Variants in PIGN observed in about 807,000 individuals in gnomAD.
The protein encoded by PIGN is GPI ethanolamine phosphate transferase 1.
Under a neutral mutation model 125.4 loss-of-function variants are expected in PIGN, and 117 were observed. The observed-to-expected ratio is 0.93, with a 90% CI of 0.80 to 1.09. The LOEUF is 1.09. Among genes scored for constraint, PIGN ranks in the 50% least tolerant of loss-of-function variants. The pLI, the probability that PIGN is intolerant of heterozygous loss-of-function variation, is 0.00. For missense variants in PIGN, 1,075 were observed against 1,094.9 expected (o/e 0.98, Z 0.26); for synonymous variants, 392 against 377.8 (o/e 1.04, Z -0.44).
In PIGN at chr18:62,041,706, T is replaced by TGTGTGTGTGTGTGTGTGTGTGTG. The variant is rs71160808; in HGVS notation, c.*4149_*4150insCACACACACACACACACACACAC. 1.5e-5 allele frequency: 2 copies of TGTGTGTGTGTGTGTGTGTGTGTG among 134,768 alleles called. No individual in the cohort carries two copies. The highest frequency in any genetic ancestry group is 5.7e-5 in the African/African-American group (2 of 35,004). The allele number at this position is 134,768 out of a possible 1,614,324, so 8.3% of individuals were successfully genotyped here. On this transcript the variant is annotated 3_prime_UTR_variant, in exon 31 of 31. Transcript: ENST00000640252. ...GTGTGTGTGTGTGTGTGTGTGTGTG[T>TGTGTGTGTGTGTGTGTGTGTGTG]TTAGTAGAGATGGGGTTTTGCCATC... is the stretch of plus-strand genomic sequence containing the variant.
intron 1 of PIGN, among the ~76,000 whole-genome samples, chr18:62,183,368 G>T (rs549675740): frequency 3.9e-5 from 6 of 151,958 alleles, no homozygotes; most frequent in Admixed American, 3.3e-4. Flanking sequence ...TTCTAAACCT[G>T]TCTCATAGCA....
chr18:62,154,719 A>G lies in PIGN; in HGVS notation c.443-68T>C, dbSNP rs75024435. The G allele has an allele frequency of 0.012, 9,363 of 752,186 alleles. 617 individuals are homozygous for G. The African/African-American group carries it at 0.14, about 12-fold the overall frequency. 46.6% of individuals were successfully genotyped at this position (752,186 alleles called of 1,614,324 possible). On this transcript the variant is annotated intron_variant, in intron 6 of 30. Coordinates refer to ENST00000640252, the MANE Select transcript of PIGN (RefSeq NM_176787.5). Reference sequence around the variant, plus strand: ...TTTAAACTATCATAAAATATGAGCTAGTCATTCACAGATTTTTGTGAGTAA... The same window carrying G: ...TTTAAACTATCATAAAATATGAGCTGGTCATTCACAGATTTTTGTGAGTAA...
chr18:62,068,779 T>C (rs2032672152), intron 30 of PIGN, among the ~76,000 whole-genome samples: 1 of 152,198 alleles, frequency 6.6e-6, no homozygotes, highest in Non-Finnish European at 1.5e-5. Flanking sequence ...TCCACACTTC[T>C]TGTTCTCTGC....
rs746450459 is a variant in PIGN, at chr18:62,157,701, C to T, written c.329G>A (p.Ser110Asn). Residue 110 changes from serine to asparagine, a missense_variant, in exon 5 of 31, where the codon AGT becomes AAT. Physicochemically the swap from Ser to Asn is conservative, Grantham distance 46 (BLOSUM62 1). Transcript: ENST00000640252. The part of the protein sequence containing the change: ...ALIAGFYEDV[S>N]AVAKGWKENP... ...ATAGACAATACCTTTGGCAACTGCA[C>T]TGACATCTTCATAAAACCCAGCTAT... 1.3e-5 allele frequency: 21 copies of T among 1,611,074 alleles called. No individual in the cohort carries two copies. The South Asian group carries it at 2.3e-4, about 18-fold the overall frequency.
chr18:62,129,300 T>G (rs2035647389), intron 14 of PIGN, among the ~76,000 whole-genome samples: 1 of 152,170 alleles, frequency 6.6e-6, no homozygotes, highest in Non-Finnish European at 1.5e-5. Flanking sequence ...TGCCATACTT[T>G]CCCACCTTAA....
At chr18:62,172,005 A>T (rs938258765) in intron 1 of PIGN, among the ~76,000 whole-genome samples, 1 of 152,136 alleles carries the variant, frequency 6.6e-6, no homozygotes, top group Admixed American at 6.5e-5. Flanking sequence ...TTTTTGGAAG[A>T]GTTTGTGTAA....
At chr18:62,157,449 T>A (rs981441549) in intron 5 of PIGN, among the ~76,000 whole-genome samples, 1 of 152,188 alleles carries the variant, frequency 6.6e-6, no homozygotes, top group Admixed American at 6.5e-5. Context: ...AAGAGTAATA[T>A]CTAGGAAAAT....
intron 16 of PIGN, among the ~76,000 whole-genome samples, chr18:62,112,315 T>C (rs2034910766): frequency 2.0e-5 from 3 of 152,182 alleles, no homozygotes; most frequent in Admixed American, 2.0e-4. Flanking sequence ...AAGTTACCAC[T>C]GGAAATATCT....
At chr18:62,079,168 T>C (rs1283451528) in intron 28 of PIGN, among the ~76,000 whole-genome samples, 2 of 152,356 alleles carry the variant, frequency 1.3e-5, no homozygotes, top group Non-Finnish European at 2.9e-5. Context: ...GAGTGAACCA[T>C]AAAACTATGT....
rs71160811 is a variant in PIGN at position 62,062,882 on chromosome 18, C to CTTTTTTTTTTTTTTTT, written c.2672+9775_2672+9790dup. Among the ~76,000 whole-genome samples, 25 of 21,058 alleles carry CTTTTTTTTTTTTTTTT rather than the reference C, an allele frequency of 1.2e-3. 1 individual carries two copies. Among genetic ancestry groups the CTTTTTTTTTTTTTTTT allele is most frequent in the African/African-American group, 1.5e-3 (6 of 4,108 alleles). The allele number at this position is 21,058 out of a possible 152,430, so 13.8% of individuals were successfully genotyped here. On this transcript the variant is annotated intron_variant, in intron 30 of 30. Coordinates refer to ENST00000640252, the MANE Select transcript of PIGN (RefSeq NM_176787.5). ...ATTTGTTTTATGCTTTTGTATTCTG[C>CTTTTTTTTTTTTTTTT]TTTTTTTTTTTTTTTTTTTTTTTTT...
At chr18:62,056,003 T>A (rs2031694800) in intron 30 of PIGN, among the ~76,000 whole-genome samples, 1 of 147,750 alleles carries the variant, frequency 6.8e-6, no homozygotes, top group Non-Finnish European at 1.5e-5. Context: ...CCCGGCAAAT[T>A]TAATCTGAAC....
rs761239739 is a variant in PIGN, at chr18:62,113,205, T to C, written c.1363A>G (p.Ile455Val). 4.3e-6 allele frequency: 7 copies of C among 1,612,808 alleles called. No individual in the cohort carries two copies. In the South Asian group the frequency reaches 6.6e-5, roughly 15 times the overall value. Residue 455 changes from isoleucine to valine, a missense_variant, in exon 16 of 31, where the codon ATA (isoleucine) becomes GTA (valine). By Grantham distance (29) the Ile-to-Val change is conservative. This residue lies in a region of PIGN where 915 missense variants were observed against 908.7 expected (regional missense o/e 1.01). Transcript: ENST00000640252. ...VNVVIGFVGW[I>V]SYASLLIIKS... is the part of the protein sequence containing the mutation. ...ATGATCAACAAAGAGGCATAAGATA[T>C]CCATCCCACAAAACCAATAACAACA...
intron 23 of PIGN, among the ~76,000 whole-genome samples, chr18:62,030,780 G>A (rs1373745272): frequency 1.3e-5 from 2 of 150,828 alleles, no homozygotes; most frequent in Non-Finnish European, 2.9e-5. Flanking sequence ...ACCACTGTGT[G>A]GCACTGCATG....
chr18:62,083,136 T>A (rs1429009402), intron 27 of PIGN, among the ~76,000 whole-genome samples: 2 of 152,038 alleles, frequency 1.3e-5, no homozygotes, highest in Non-Finnish European at 2.9e-5. Context: ...GATTCACAGA[T>A]CCTTAAACCC....
At chr18:62,149,410 A>G (rs2036451484) in intron 7 of PIGN, among the ~76,000 whole-genome samples, 1 of 152,218 alleles carries the variant, frequency 6.6e-6, no homozygotes, top group African/African-American at 2.4e-5. Flanking sequence ...TTAAAAGTTA[A>G]ACACATAATT....
chr18:62,083,342 T>A (rs1048189998), intron 27 of PIGN, among the ~76,000 whole-genome samples: 1 of 152,110 alleles, frequency 6.6e-6, no homozygotes. Context: ...GAGCTAATAC[T>A]GTTAATATCT....
At chr18:62,048,493 T>C (rs1251454740) in intron 30 of PIGN, among the ~76,000 whole-genome samples, 1 of 152,030 alleles carries the variant, frequency 6.6e-6, no homozygotes, top group Non-Finnish European at 1.5e-5. Flanking sequence ...AGCAGATTTC[T>C]CATCAGAAAA....
intron 10 of PIGN, among the ~76,000 whole-genome samples, chr18:62,145,592 CT>C (rs1393987300): frequency 6.6e-6 from 1 of 152,076 alleles, no homozygotes; most frequent in African/African-American, 2.4e-5. Flanking sequence ...TAAATTTCCT[CT>C]TTTTTAATTT....
At chr18:62,102,940 A>T (rs374569139) in intron 20 of PIGN, 38 bp from the exon 21 acceptor site, 33 of 1,182,550 alleles carry the variant, frequency 2.8e-5, no homozygotes, top group Non-Finnish European at 3.7e-5. Context: ...TTTTCTTCAG[A>T]TATTTACGAA....
Sources: gnomAD v4.1 joint callset for allele counts (sites outside exome capture counted in the v4.1 genomes callset) on GRCh38, gnomAD v4.1.1 for gene constraint, gnomAD v4.1.1 regional missense constraint, MANE v1.5 for transcripts, NCBI Gene and HGNC (gene_info 2026-07-23, HGNC 2026-07-21) for gene names.